The following SCAF4 variants were observed in gnomAD, a reference collection of about 807,000 sequenced individuals.
SCAF4 encodes SR-related CTD associated factor 4.
In SCAF4, 25 loss-of-function variants were observed where a neutral mutation model predicts 129.8. The ratio of observed to expected loss-of-function variants is 0.19; its 90% CI spans 0.14 to 0.27. The LOEUF is 0.27. SCAF4 is among the 10% of genes least tolerant of loss of function. The pLI, the probability that SCAF4 is intolerant of heterozygous loss-of-function variation, is 1.00. For missense variants in SCAF4, 1,246 were observed against 1,457.1 expected (o/e 0.86, Z 2.36); for synonymous variants, 551 against 497.7 (o/e 1.11, Z -1.43).
chr21:31,700,545 T>C (rs2050499935), intron 7 of SCAF4, among the ~76,000 whole-genome samples: 1 of 152,030 alleles, frequency 6.6e-6, no homozygotes, highest in Non-Finnish European at 1.5e-5. Context: ...AAATCCACTA[T>C]TAACCTTAAC....
chr21:31,705,470 GA>G lies in SCAF4; in HGVS notation c.115-4del. On this transcript the variant is annotated splice_polypyrimidine_tract_variant and splice_region_variant and intron_variant, in intron 2 of 19. Transcript: ENST00000286835. ...ATTTGAACTACATGCTTATAAAGCT[GA>G]AAAGAATTAAGAGAAAATTACTGTT... The G allele has an allele frequency of 7.8e-7, 1 of 1,281,390 alleles. No individual in the cohort carries two copies. The highest frequency in any genetic ancestry group is 1.1e-6 in the Non-Finnish European group (1 of 920,232). The allele number at this position is 1,281,390 out of a possible 1,614,324, so 79.4% of individuals were successfully genotyped here.
At chr21:31,680,188 G>A (rs1375681471) in intron 19 of SCAF4, among the ~76,000 whole-genome samples, 2 of 152,160 alleles carry the variant, frequency 1.3e-5, no homozygotes, top group East Asian at 1.9e-4. Flanking sequence ...CCTAACAAGT[G>A]ACAGCCCAGG....
Position 31,671,777 on chromosome 21 carries a change from A to G in SCAF4, c.3066T>C (p.Asp1022=), listed in dbSNP as rs1236986804. 8 of 1,613,716 alleles carry G rather than the reference A, an allele frequency of 5.0e-6. No individual in the cohort carries two copies. The highest frequency in any genetic ancestry group is 5.9e-6 in the Non-Finnish European group (7 of 1,179,816). The change falls in exon 20 of 20, where the codon GAT becomes GAC. Residue 1022 remains aspartate, a synonymous_variant. Transcript: ENST00000286835. ...TCCTGTCACGGTTACTATTATCTCT[A>G]TCATCATTACGGTTCCCATACCGTT... The part of the protein sequence containing the change: ...DRERYGNRND[D]RDNSNRDRRE...
chr21:31,724,861 T>C (rs531844187), intron 1 of SCAF4, among the ~76,000 whole-genome samples: 1 of 152,334 alleles, frequency 6.6e-6, no homozygotes, highest in South Asian at 2.1e-4. Flanking sequence ...CATGTGTTCA[T>C]GTAATTTTTT....
intron 4 of SCAF4, among the ~76,000 whole-genome samples, chr21:31,703,227 A>G (rs2050577360): frequency 6.6e-6 from 1 of 152,102 alleles, no homozygotes; most frequent in Non-Finnish European, 1.5e-5. Context: ...CCTACTGCAC[A>G]ATTTCTTCCT....
intron 1 of SCAF4, among the ~76,000 whole-genome samples, chr21:31,712,068 C>G (rs1216906172): frequency 6.6e-6 from 1 of 151,968 alleles, no homozygotes; most frequent in Non-Finnish European, 1.5e-5. Context: ...TCAATTTTAC[C>G]TTAGGGCATG....
chr21:31,722,867 C>T (rs1048809080), intron 1 of SCAF4, among the ~76,000 whole-genome samples: 2 of 152,092 alleles, frequency 1.3e-5, no homozygotes, highest in African/African-American at 2.4e-5. Flanking sequence ...GCAAGGAAAC[C>T]GCTTGAACCC....
chr21:31,705,350 T>C, intron 3 of SCAF4, 73 bp downstream of exon 3: 1 of 713,092 alleles, frequency 1.4e-6, no homozygotes, highest in Non-Finnish European at 2.3e-6. Flanking sequence ...AAACAAGCAT[T>C]GAGATTAAAA....
intron 1 of SCAF4, among the ~76,000 whole-genome samples, chr21:31,721,018 C>T (rs541148691): frequency 6.6e-6 from 1 of 152,222 alleles, no homozygotes; most frequent in Non-Finnish European, 1.5e-5. Flanking sequence ...CATAAAAATC[C>T]ATCCATTTAA....
intron 1 of SCAF4, among the ~76,000 whole-genome samples, chr21:31,713,381 A>C (rs1288620139): frequency 1.3e-5 from 2 of 152,218 alleles, no homozygotes; most frequent in African/African-American, 4.8e-5. Flanking sequence ...GTCCCTCCTT[A>C]TTTAGTTAAG....
intron 19 of SCAF4, among the ~76,000 whole-genome samples, chr21:31,675,098 G>C (rs976466375): frequency 6.6e-6 from 1 of 152,150 alleles, no homozygotes; most frequent in Non-Finnish European, 1.5e-5. Flanking sequence ...CATATAGCAA[G>C]GTAAAGCAGT....
At chr21:31,681,698 T>A (rs1026351263) in intron 19 of SCAF4, among the ~76,000 whole-genome samples, 2 of 152,194 alleles carry the variant, frequency 1.3e-5, no homozygotes, top group African/African-American at 4.8e-5. Flanking sequence ...ATTTTCAGAT[T>A]ATCAGTATTA....
At chr21:31,696,508 G>A (rs184182909) in intron 8 of SCAF4, 61 bp downstream of exon 8, 8 of 1,411,716 alleles carry the variant, frequency 5.7e-6, no homozygotes, top group African/African-American at 2.9e-5. Flanking sequence ...ATGTTACTTA[G>A]GTTATGCCTT....
intron 7 of SCAF4, among the ~76,000 whole-genome samples, chr21:31,697,914 AC>A (rs1350107847): frequency 7.2e-5 from 11 of 152,354 alleles, no homozygotes; most frequent in Non-Finnish European, 1.5e-4. Flanking sequence ...CAGCCCAGGT[AC>A]CTTGCTGTTT....
chr21:31,714,678 A>C (rs1185895283), intron 1 of SCAF4, among the ~76,000 whole-genome samples: 1 of 152,194 alleles, frequency 6.6e-6, no homozygotes, highest in Non-Finnish European at 1.5e-5. Context: ...TAACATGGGT[A>C]CTCTGCTATT....
chr21:31,705,168 A>G (rs2050626936), intron 3 of SCAF4, among the ~76,000 whole-genome samples: 1 of 152,188 alleles, frequency 6.6e-6, no homozygotes, highest in Non-Finnish European at 1.5e-5. Context: ...TAGAGTAAGC[A>G]CTTCAGGTTT....
intron 1 of SCAF4, among the ~76,000 whole-genome samples, chr21:31,729,843 T>C (rs1282813385): frequency 6.6e-6 from 1 of 152,208 alleles, no homozygotes; most frequent in Non-Finnish European, 1.5e-5. Context: ...CATTCCTAAC[T>C]TTGGTTTTTC....
chr21:31,671,926 G>T lies in SCAF4; in HGVS notation c.2917C>A (p.Pro973Thr). ...QQQQPPPSQQ[P>T]PPTQQQPQQF... is the part of the protein sequence containing the mutation. ...TGTGGCTGCTGCTGTGTTGGTGGAG[G>T]CTGTTGTGATGGTGGTGGCTGCTGC... Residue 973 changes from proline (P) to threonine (T), a missense_variant, in exon 20 of 20, where the codon CCT (proline) becomes ACT (threonine). Coordinates refer to ENST00000286835, the MANE Select transcript of SCAF4 (RefSeq NM_020706.2). The T allele has an allele frequency of 6.2e-7, 1 of 1,612,092 alleles. No individual in the cohort carries two copies. Among genetic ancestry groups the T allele is most frequent in the Non-Finnish European group, 8.5e-7 (1 of 1,178,416 alleles).
In SCAF4 at chr21:31,679,548, C is replaced by A. The variant is rs551634736; in HGVS notation, c.2488+5501G>T. Among the ~76,000 whole-genome samples, 18 of 152,126 alleles carry A rather than the reference C, an allele frequency of 1.2e-4. 1 individual carries two copies. Among genetic ancestry groups the A allele is most frequent in the Admixed American group, 5.2e-4 (8 of 15,286 alleles). ...AATGGAAGAATAAGGAGCCAATTTTCAAAGAATGAGAAAAAGCATCTTTCA... is the reference window on the plus strand; with the variant it reads ...AATGGAAGAATAAGGAGCCAATTTTAAAAGAATGAGAAAAAGCATCTTTCA... On this transcript the variant is annotated intron_variant, in intron 19 of 19. Transcript: ENST00000286835.
Sources: allele counts gnomAD v4.1 joint callset (sites outside exome capture counted in the v4.1 genomes callset), GRCh38; gene constraint gnomAD v4.1.1; transcripts MANE v1.5; gene names NCBI Gene and HGNC (gene_info 2026-07-23, HGNC 2026-07-21).